CCDC91: variants seen among roughly 807,000 people sequenced by gnomAD.
CCDC91 encodes the protein coiled-coil domain-containing protein 91.
CCDC91 carries 48 observed loss-of-function variants against 63.2 expected under a neutral mutation model. The ratio of observed to expected loss-of-function variants is 0.76; its 90% CI spans 0.60 to 0.97. CCDC91 has a LOEUF of 0.97. Ranked by LOEUF, CCDC91 falls within the 50% of genes least tolerant of loss-of-function variation. The probability of loss-of-function intolerance (pLI) is 0.00; values close to 1 mark genes in which losing one functional copy is unlikely to be tolerated. For missense variants in CCDC91, 500 were observed against 494.6 expected, an observed-to-expected ratio of 1.01 and a Z score of -0.10; for synonymous variants, 167 against 165.8, an observed-to-expected ratio of 1.01 and a Z score of -0.06.
chr12:28,510,257 G>GTGTGTGTGTGTGTGTGTGTGTGTC (rs1481930938), intron 12 of CCDC91, among the ~76,000 whole-genome samples: 14 of 150,798 alleles, frequency 9.3e-5, no homozygotes, highest in Admixed American at 9.2e-4. Flanking sequence ...GTGTGTGTGT[G>GTGTGTGTGTGTGTGTGTGTGTGTC]TAGAAAGAGA....
At chr12:28,323,955 T>C (rs926830984) in intron 6 of CCDC91, among the ~76,000 whole-genome samples, 1 of 151,938 alleles carries the variant, frequency 6.6e-6, no homozygotes, top group Non-Finnish European at 1.5e-5. Flanking sequence ...TGTTAGAAAC[T>C]GTCAAAATGT....
intron 3 of CCDC91, among the ~76,000 whole-genome samples, chr12:28,288,237 T>C (rs763885181): frequency 3.3e-5 from 5 of 152,206 alleles, no homozygotes; most frequent in Non-Finnish European, 5.9e-5. Context: ...TCCAATAGTA[T>C]GTTGAATAGG....
chr12:28,533,753 A>G (rs1941931916), intron 12 of CCDC91, among the ~76,000 whole-genome samples: 1 of 152,004 alleles, frequency 6.6e-6, no homozygotes, highest in African/African-American at 2.4e-5. Context: ...TTTTAGAATA[A>G]AATAACAGAA....
chr12:28,376,985 C>A (rs1944988652), intron 7 of CCDC91, among the ~76,000 whole-genome samples: 1 of 151,720 alleles, frequency 6.6e-6, no homozygotes, highest in Non-Finnish European at 1.5e-5. Context: ...TATTTTGTCT[C>A]ATTTTGAGCT....
intron 1 of CCDC91, among the ~76,000 whole-genome samples, chr12:28,248,698 T>C (rs143387708): frequency 2.8e-4 from 42 of 152,370 alleles, no homozygotes; most frequent in Non-Finnish European, 4.7e-4. Context: ...GATATAACAA[T>C]AGTGTCTGAA....
At chr12:28,529,631 T>TG (rs1252057442) in intron 12 of CCDC91, among the ~76,000 whole-genome samples, 3 of 152,100 alleles carry the variant, frequency 2.0e-5, no homozygotes, top group Non-Finnish European at 4.4e-5. Context: ...CGCTTTGAGA[T>TG]GGGGAACAGG....
rs1949743172 is a variant in CCDC91, at chr12:28,450,379, A to T, written c.885A>T (p.Glu295Asp). The change falls in exon 10 of 13, where the codon GAA becomes GAT. Residue 295 changes from glutamate to aspartate, a missense_variant. Glu to Asp is a conservative substitution (Grantham distance 45). Transcript: ENST00000536442. ...TATTGGAAAAGTGTTTGGAGGAAGA[A>T]AGGCAAAGAAATAAAGAGGCATTAG... Reference protein sequence around the residue: ...KEILEKCLEEERQRNKEALVS... With the variant: ...KEILEKCLEEDRQRNKEALVS... 1 of 1,612,324 alleles carries T rather than the reference A, an allele frequency of 6.2e-7. No homozygotes were observed. The highest frequency in any genetic ancestry group is 8.5e-7 in the Non-Finnish European group (1 of 1,178,664).
At chr12:28,509,017 G>A (rs1939067477) in intron 12 of CCDC91, among the ~76,000 whole-genome samples, 1 of 151,958 alleles carries the variant, frequency 6.6e-6, no homozygotes, top group Admixed American at 6.6e-5. Flanking sequence ...GTAACTTCTA[G>A]TTGTATAGTC....
At chr12:28,512,147 G>T (rs574930095) in intron 12 of CCDC91, among the ~76,000 whole-genome samples, 25 of 151,884 alleles carry the variant, frequency 1.6e-4, no homozygotes, top group Non-Finnish European at 3.2e-4. Flanking sequence ...TCTGCGAATA[G>T]GTTCTTTTTT....
chr12:28,229,678 T>C (rs1184050911), intron 1 of CCDC91, among the ~76,000 whole-genome samples: 3 of 152,146 alleles, frequency 2.0e-5, no homozygotes, highest in East Asian at 1.9e-4. Flanking sequence ...GAAACAGAGC[T>C]TTTCTTCTTC....
intron 11 of CCDC91, among the ~76,000 whole-genome samples, chr12:28,467,386 G>C (rs1950598802): frequency 6.6e-6 from 1 of 151,974 alleles, no homozygotes; most frequent in Admixed American, 6.6e-5. Flanking sequence ...AAGGAAAAAG[G>C]AATCAATTAA....
chr12:28,440,045 A>G (rs1169350172), intron 8 of CCDC91, among the ~76,000 whole-genome samples: 1 of 152,104 alleles, frequency 6.6e-6, no homozygotes, highest in African/African-American at 2.4e-5. Flanking sequence ...AGCAAAATGT[A>G]ATAAACTCTT....
chr12:28,307,307 C>A (rs1486336267), intron 5 of CCDC91, among the ~76,000 whole-genome samples: 1 of 151,918 alleles, frequency 6.6e-6, no homozygotes, highest in Admixed American at 6.6e-5. Context: ...GACAAGAGTA[C>A]TTAGGTATAC....
chr12:28,428,911 G>A (rs1179957286), intron 8 of CCDC91, among the ~76,000 whole-genome samples: 1 of 152,020 alleles, frequency 6.6e-6, no homozygotes, highest in African/African-American at 2.4e-5. Flanking sequence ...GAGTGGGCAG[G>A]GAGTCTAATG....
At chr12:28,391,464 C>A (rs751158155) in intron 8 of CCDC91, 53 bp downstream of exon 8, 7 of 1,056,964 alleles carry the variant, frequency 6.6e-6, no homozygotes, top group Non-Finnish European at 1.0e-5. Context: ...TGACTCTCTC[C>A]CCTGAGAGCT....
At chr12:28,215,239 A>C (rs1943488985) in intron 1 of CCDC91, among the ~76,000 whole-genome samples, 1 of 152,140 alleles carries the variant, frequency 6.6e-6, no homozygotes, top group Admixed American at 6.6e-5. Context: ...CCTTGTTGTC[A>C]GGCTTAACAT....
At chr12:28,510,736 T>G (rs79530241) in intron 12 of CCDC91, among the ~76,000 whole-genome samples, 97 of 152,024 alleles carry the variant, frequency 6.4e-4, no homozygotes, top group African/African-American at 2.2e-3. Flanking sequence ...TATCATGTAT[T>G]TATTGAACCT....
chr12:28,545,990 T>C (rs1276525717), intron 12 of CCDC91, among the ~76,000 whole-genome samples: 1 of 152,096 alleles, frequency 6.6e-6, no homozygotes, highest in Non-Finnish European at 1.5e-5. Flanking sequence ...ATCTCCTGAT[T>C]GTTCTGGGCG....
chr12:28,296,007 T>C (rs1396575507), intron 3 of CCDC91, among the ~76,000 whole-genome samples: 2 of 151,984 alleles, frequency 1.3e-5, no homozygotes, highest in African/African-American at 4.8e-5. Flanking sequence ...TCAAACTGTT[T>C]AGACTCCTTA....
Sources: gnomAD v4.1 joint callset for allele counts (sites outside exome capture counted in the v4.1 genomes callset) on GRCh38, gnomAD v4.1.1 for gene constraint, MANE v1.5 for transcripts, NCBI Gene and HGNC (gene_info 2026-07-23, HGNC 2026-07-21) for gene names.